PLA2G6: variants seen among roughly 807,000 people sequenced by gnomAD.
PLA2G6 encodes the protein phospholipase A2 group VI, also known as 85/88 kDa calcium-independent phospholipase A2.
A neutral mutation model predicts 83.8 loss-of-function variants in PLA2G6; 62 were observed. The observed-to-expected ratio is 0.74, with a 90% CI of 0.60 to 0.91. The LOEUF (loss-of-function observed/expected upper bound fraction) is 0.91. PLA2G6 is among the 40% of genes least tolerant of loss of function. The pLI is 0.00. For synonymous variants in PLA2G6, 417 were observed against 449.8 expected (o/e 0.93, Z 0.92); for missense variants, 944 against 1,102.0 (o/e 0.86, Z 2.03).
chr22:38,147,205 C>T (rs1367160932), intron 2 of PLA2G6: 1 of 152,508 alleles, frequency 6.6e-6, no homozygotes, highest in Non-Finnish European at 1.5e-5. Context: ...TGTACCTGTC[C>T]TACCTACCTC....
chr22:38,137,660 C>G (rs1013247862), intron 5 of PLA2G6: 1 of 152,108 alleles, frequency 6.6e-6, no homozygotes, highest in Non-Finnish European at 1.5e-5. Context: ...ATGATGAAAC[C>G]CCATCTCTAC....
At chr22:38,178,044 A>G (rs529536998) in intron 1 of PLA2G6, among the ~76,000 whole-genome samples, 11 of 152,304 alleles carry the variant, frequency 7.2e-5, no homozygotes, top group African/African-American at 2.6e-4. Context: ...ACGTCCTTTC[A>G]CAAAAGGAAA....
intron 1 of PLA2G6, among the ~76,000 whole-genome samples, chr22:38,170,721 G>A (rs1325586810): frequency 6.6e-6 from 1 of 152,164 alleles, no homozygotes; most frequent in Non-Finnish European, 1.5e-5. Flanking sequence ...GAGTATGGGT[G>A]CCCTGGGGGA....
At chr22:38,160,318 T>A (rs914320130) in intron 2 of PLA2G6, among the ~76,000 whole-genome samples, 3 of 152,178 alleles carry the variant, frequency 2.0e-5, no homozygotes, top group Non-Finnish European at 2.9e-5. Flanking sequence ...TTTACTAACG[T>A]TGAAGACAAG....
intron 1 of PLA2G6, among the ~76,000 whole-genome samples, chr22:38,179,459 G>A (rs1369646114): frequency 1.3e-5 from 2 of 150,434 alleles, no homozygotes; most frequent in Non-Finnish European, 3.0e-5. Flanking sequence ...CAGGGATGGA[G>A]GGCAGAACTA....
rs573491474 is a variant in PLA2G6, at chr22:38,170,625, C to T, written c.-45-1154G>A. ...GAAAATACACTGCCTTCCTAAGGTA[C>T]TGTCACCAAAGCCAGGCGCCAATCA... On this transcript the variant is annotated intron_variant, in intron 1 of 16. Coordinates refer to ENST00000332509, the MANE Select transcript of PLA2G6 (RefSeq NM_003560.4). Among the ~76,000 whole-genome samples the T allele has an allele frequency of 1.8e-4, 28 of 152,288 alleles. 1 individual carries two copies. The highest frequency in any genetic ancestry group is 6.0e-4 in the African/African-American group (25 of 41,558).
Position 38,129,581 on chromosome 22 carries a change from G to A in PLA2G6, c.1078-19C>T. ...TGTCTTTCTGTTGGAGATGGAGAGA[G>A]GATAAGACGTGCAACTGCCGGGGAA... On this transcript the variant is annotated intron_variant, in intron 7 of 16. Coordinates refer to ENST00000332509, the MANE Select transcript of PLA2G6 (RefSeq NM_003560.4). The A allele has an allele frequency of 6.3e-7, 1 of 1,582,472 alleles. No homozygotes were observed. Among genetic ancestry groups the A allele is most frequent in the Non-Finnish European group, 8.7e-7 (1 of 1,151,346 alleles).
intron 1 of PLA2G6, among the ~76,000 whole-genome samples, chr22:38,177,145 G>A (rs1347500831): frequency 6.6e-6 from 1 of 152,116 alleles, no homozygotes; most frequent in African/African-American, 2.4e-5. Context: ...AGGTTGTGGT[G>A]GGGGATTGCC....
intron 1 of PLA2G6, among the ~76,000 whole-genome samples, chr22:38,174,920 C>G (rs4383): frequency 0.51 from 77,899 of 151,902 alleles, 20,524 homozygotes; most frequent in South Asian, 0.64. Flanking sequence ...AGCCAAGCCC[C>G]GGAAGAAGTG....
At chr22:38,140,510 A>G in intron 4 of PLA2G6, 1 of 290,620 alleles carries the variant, frequency 3.4e-6, no homozygotes, top group South Asian at 3.3e-5. Context: ...CTCTGTCTAA[A>G]AAAAAAGAAC....
intron 2 of PLA2G6, among the ~76,000 whole-genome samples, chr22:38,160,036 A>G (rs2089948240): frequency 6.6e-6 from 1 of 152,248 alleles, no homozygotes; most frequent in Non-Finnish European, 1.5e-5. Context: ...AAAACTCTGT[A>G]AGAAAAAGAT....
intron 4 of PLA2G6, chr22:38,140,724 C>T (rs1181378561): frequency 6.4e-6 from 1 of 155,956 alleles, no homozygotes. Flanking sequence ...CATGCAGGTA[C>T]TATGTTTTCA....
intron 5 of PLA2G6, chr22:38,136,543 G>C (rs2088564800): frequency 2.0e-5 from 3 of 151,604 alleles, no homozygotes; most frequent in Admixed American, 2.0e-4. Flanking sequence ...GGTAAGCCGA[G>C]ATCACACCAT....
chr22:38,146,075 A>C, intron 2 of PLA2G6: 1 of 260,366 alleles, frequency 3.8e-6, no homozygotes, highest in Non-Finnish European at 7.6e-6. Context: ...TCATTTTGTC[A>C]CCCAGGCTGG....
In PLA2G6 at chr22:38,158,294, C is replaced by T. The variant is rs1602231219; in HGVS notation, c.209+10924G>A. Among the ~76,000 whole-genome samples the T allele has an allele frequency of 2.0e-5, 3 of 151,710 alleles. No homozygotes were observed. The South Asian group carries it at 6.3e-4, about 32-fold the overall frequency. On this transcript the variant is annotated intron_variant, in intron 2 of 16. Transcript: ENST00000332509. ...AAGTGATTCTCCCGCTTCAGCCTCCCAAGTAGCTGTGACCACAGGTGCCCA... is the reference window on the plus strand; with the variant it reads ...AAGTGATTCTCCCGCTTCAGCCTCCTAAGTAGCTGTGACCACAGGTGCCCA...
intron 7 of PLA2G6, chr22:38,130,107 T>C (rs556577886): frequency 4.3e-6 from 1 of 234,662 alleles, no homozygotes; most frequent in African/African-American, 2.2e-5. Context: ...GAGCATGGCA[T>C]GGTTTCAGAG....
intron 2 of PLA2G6, among the ~76,000 whole-genome samples, chr22:38,157,667 C>A (rs1285173471): frequency 6.6e-6 from 1 of 152,150 alleles, no homozygotes; most frequent in Non-Finnish European, 1.5e-5. Context: ...AAACTACAGG[C>A]CAGTATCCCT....
chr22:38,139,187 A>G (rs1280931668), intron 5 of PLA2G6: 1 of 152,164 alleles, frequency 6.6e-6, no homozygotes, highest in Non-Finnish European at 1.5e-5. Context: ...AGCTGGGCAC[A>G]CAAGAAACCA....
intron 2 of PLA2G6, among the ~76,000 whole-genome samples, chr22:38,161,824 C>G (rs1197527479): frequency 6.6e-6 from 1 of 152,042 alleles, no homozygotes; most frequent in Non-Finnish European, 1.5e-5. Flanking sequence ...AGGAGGCATG[C>G]CTTCTGGGAG....
Sources: gnomAD v4.1 joint callset for allele counts (sites outside exome capture counted in the v4.1 genomes callset) on GRCh38, gnomAD v4.1.1 for gene constraint, MANE v1.5 for transcripts, NCBI Gene and HGNC (gene_info 2026-07-23, HGNC 2026-07-21) for gene names.